The following RPSA2 variants were observed in gnomAD, a reference collection of about 807,000 sequenced individuals.
RPSA2 encodes ribosomal protein SA 2.
the RPSA2 span, among the ~76,000 whole-genome samples, chr19:23,833,660 A>G: frequency 6.6e-6 from 1 of 152,140 alleles, no homozygotes; most frequent in Non-Finnish European, 1.5e-5. Context: ...TAAAGTAAAA[A>G]AGCCATTAAT....
At chr19:23,832,942 A>G in the RPSA2 span, 2 of 1,504,096 alleles carry the variant, frequency 1.3e-6, no homozygotes, top group African/African-American at 1.4e-5. Flanking sequence ...TACTAAACAT[A>G]AGGTAATTCA....
the RPSA2 span, among the ~76,000 whole-genome samples, chr19:23,865,361 A>G: frequency 1.3e-5 from 2 of 152,212 alleles, no homozygotes; most frequent in East Asian, 1.9e-4. Flanking sequence ...CACATAACCC[A>G]TTGTTTCCAC....
the RPSA2 span, among the ~76,000 whole-genome samples, chr19:23,853,960 CTT>C: frequency 3.3e-5 from 5 of 152,154 alleles, no homozygotes; most frequent in Middle Eastern, 3.2e-3. Flanking sequence ...GGCCATCAAA[CTT>C]TTTTCCTTGA....
the RPSA2 span, among the ~76,000 whole-genome samples, chr19:23,830,629 T>G: frequency 1.3e-5 from 2 of 152,126 alleles, no homozygotes; most frequent in Non-Finnish European, 2.9e-5. Context: ...ACCTCCACAA[T>G]TTTTGTTTTT....
At chr19:23,789,096 G>A in the RPSA2 span, among the ~76,000 whole-genome samples, 1 of 146,214 alleles carries the variant, frequency 6.8e-6, no homozygotes, top group Non-Finnish European at 1.5e-5. Flanking sequence ...CGCCTCTTGG[G>A]TTCTAGTGGT....
At chr19:23,843,438 C>T in the RPSA2 span, among the ~76,000 whole-genome samples, 2 of 152,088 alleles carry the variant, frequency 1.3e-5, no homozygotes, top group East Asian at 1.9e-4. Context: ...CATCTTTTGT[C>T]CCATACCATT....
chr19:23,767,571 TG>T, the RPSA2 span, among the ~76,000 whole-genome samples: 1 of 152,162 alleles, frequency 6.6e-6, no homozygotes, highest in South Asian at 2.1e-4. Context: ...AGACTCACAG[TG>T]GGGTACAAAG....
the RPSA2 span, among the ~76,000 whole-genome samples, chr19:23,865,695 C>T: frequency 6.6e-6 from 1 of 152,060 alleles, no homozygotes; most frequent in Non-Finnish European, 1.5e-5. Flanking sequence ...AGTAGAAACC[C>T]CCACACAACA....
the RPSA2 span, among the ~76,000 whole-genome samples, chr19:23,761,529 C>T: frequency 5.9e-5 from 9 of 152,270 alleles, no homozygotes; most frequent in South Asian, 1.9e-3. Context: ...AAGGTTGTGT[C>T]CTCTGTGTCC....
At chr19:23,758,854 T>G in the RPSA2 span, 1 of 1,511,152 alleles carries the variant, frequency 6.6e-7, no homozygotes, top group Non-Finnish European at 9.1e-7. Flanking sequence ...CACAGAGCAG[T>G]GAAGACGAGA....
chr19:23,855,672 G>A, the RPSA2 span, among the ~76,000 whole-genome samples: 1 of 152,176 alleles, frequency 6.6e-6, no homozygotes, highest in African/African-American at 2.4e-5. Flanking sequence ...GTGTGAGAAA[G>A]GGGCATGGGG....
the RPSA2 span, among the ~76,000 whole-genome samples, chr19:23,845,892 T>G: frequency 1.7e-3 from 266 of 152,344 alleles, 3 homozygotes; most frequent in East Asian, 0.035. Flanking sequence ...TATCAATTCA[T>G]AATTTTATTC....
chr19:23,832,781 T>C, the RPSA2 span: 6 of 1,570,508 alleles, frequency 3.8e-6, no homozygotes, highest in Non-Finnish European at 5.2e-6. Flanking sequence ...CATAAGATAA[T>C]TCATACTGGA....
At chr19:23,761,576 T>C in the RPSA2 span, among the ~76,000 whole-genome samples, 1 of 152,118 alleles carries the variant, frequency 6.6e-6, no homozygotes, top group Non-Finnish European at 1.5e-5. Flanking sequence ...TTAAATATAA[T>C]GCGTATTGAG....
the RPSA2 span, among the ~76,000 whole-genome samples, chr19:23,853,891 C>A: frequency 6.6e-6 from 1 of 152,118 alleles, no homozygotes. Flanking sequence ...GATGTTTAAG[C>A]CAGGAGGAAG....
the RPSA2 span, among the ~76,000 whole-genome samples, chr19:23,865,147 C>A: frequency 6.6e-6 from 1 of 152,198 alleles, no homozygotes; most frequent in African/African-American, 2.4e-5. Context: ...AATGGGGACC[C>A]CAGGACAAAT....
the RPSA2 span, among the ~76,000 whole-genome samples, chr19:23,846,119 T>A: frequency 1.3e-5 from 2 of 152,198 alleles, no homozygotes; most frequent in South Asian, 4.1e-4. Flanking sequence ...AAGTCTGTTT[T>A]ATTTGATATA....
chr19:23,773,420 A>ATT, the RPSA2 span, among the ~76,000 whole-genome samples: 2 of 151,792 alleles, frequency 1.3e-5, no homozygotes, highest in Non-Finnish European at 2.9e-5. Flanking sequence ...AGTAGCTGGG[A>ATT]TTACAGGCAC....
At chr19:23,824,949 A>C in the RPSA2 span, among the ~76,000 whole-genome samples, 1 of 151,186 alleles carries the variant, frequency 6.6e-6, no homozygotes, top group African/African-American at 2.4e-5. Flanking sequence ...ATGGTTATCT[A>C]ATAAGTTGTT....
Sources: gnomAD v4.1 joint callset for allele counts (sites outside exome capture counted in the v4.1 genomes callset) on GRCh38, gnomAD v4.1.1 for gene constraint, MANE v1.5 for transcripts, NCBI Gene and HGNC (gene_info 2026-07-23, HGNC 2026-07-21) for gene names.